The following CSMD1 variants were observed in gnomAD, a reference collection of about 807,000 sequenced individuals.
CSMD1 encodes the protein CUB and sushi domain-containing protein 1.
Under a neutral mutation model 417.5 loss-of-function variants are expected in CSMD1, and 213 were observed. That is an observed-to-expected ratio of 0.51 (90% CI 0.46 to 0.57). CSMD1 has a LOEUF of 0.57. Ranked by LOEUF, CSMD1 falls within the 20% of genes least tolerant of loss-of-function variation. The probability of loss-of-function intolerance (pLI) is 0.00; values close to 1 mark genes in which losing one functional copy is unlikely to be tolerated. For synonymous variants in CSMD1, 2,862 were observed against 1,736.8 expected (o/e 1.65, Z -16.11); for missense variants, 6,923 against 4,529.7 (o/e 1.53, Z -15.17).
intron 3 of CSMD1, among the ~76,000 whole-genome samples, chr8:4,368,932 A>G (rs757992304): frequency 6.6e-6 from 1 of 151,946 alleles, no homozygotes; most frequent in African/African-American, 2.4e-5. Flanking sequence ...TCTTATATGG[A>G]TTTTAGCAGT....
intron 4 of CSMD1, among the ~76,000 whole-genome samples, chr8:4,025,906 A>G (rs1245246010): frequency 1.3e-5 from 2 of 151,982 alleles, no homozygotes; most frequent in East Asian, 1.9e-4. Flanking sequence ...TTTAGGTGTC[A>G]TTATTCAGGG....
intron 2 of CSMD1, among the ~76,000 whole-genome samples, chr8:4,538,281 C>T (rs1186136641): frequency 6.6e-6 from 1 of 150,596 alleles, no homozygotes; most frequent in Non-Finnish European, 1.5e-5. Flanking sequence ...ATTTTGTTAT[C>T]CTACCACTAC....
intron 23 of CSMD1, among the ~76,000 whole-genome samples, chr8:3,333,558 A>C (rs2117554805): frequency 6.6e-6 from 1 of 152,356 alleles, no homozygotes; most frequent in Admixed American, 6.5e-5. Flanking sequence ...CTACACAGAT[A>C]CTGCAATGCC....
At chr8:3,599,784 C>A (rs965733320) in intron 8 of CSMD1, among the ~76,000 whole-genome samples, 2 of 152,196 alleles carry the variant, frequency 1.3e-5, no homozygotes, top group African/African-American at 4.8e-5. Flanking sequence ...TTGGCATGGG[C>A]AACTCCCACT....
rs116584563 is a variant in CSMD1, at chr8:4,785,974, C to T, written c.86-148416G>A. ...TTTCAACAATTATAGGAAAGACATCCTGCATGGTAGCCAGGTTAGTGCAGC... is the reference window on the plus strand; with the variant it reads ...TTTCAACAATTATAGGAAAGACATCTTGCATGGTAGCCAGGTTAGTGCAGC... On this transcript the variant is annotated intron_variant, in intron 1 of 69. Transcript: ENST00000635120. Among the ~76,000 whole-genome samples the T allele has an allele frequency of 3.3e-3, 505 of 152,288 alleles. 1 individual carries two copies. The highest frequency in any genetic ancestry group is 0.012 in the African/African-American group (487 of 41,550).
intron 1 of CSMD1, among the ~76,000 whole-genome samples, chr8:4,747,369 G>T (rs1335309974): frequency 2.0e-5 from 3 of 152,116 alleles, no homozygotes; most frequent in African/African-American, 7.2e-5. Context: ...CTAGGATACG[G>T]TTTTCATGGC....
intron 59 of CSMD1, among the ~76,000 whole-genome samples, chr8:2,963,790 TG>T (rs1053983044): frequency 1.3e-5 from 2 of 152,224 alleles, no homozygotes; most frequent in African/African-American, 4.8e-5. Context: ...AGAATTTTTC[TG>T]GCCATCTGTA....
intron 5 of CSMD1, among the ~76,000 whole-genome samples, chr8:3,920,758 G>C (rs963154540): frequency 8.6e-6 from 1 of 115,816 alleles, no homozygotes; most frequent in Non-Finnish European, 1.9e-5. Context: ...TATTTTGTTA[G>C]TGGGGTATAT....
intron 1 of CSMD1, among the ~76,000 whole-genome samples, chr8:4,975,178 G>A (rs960847360): frequency 2.0e-5 from 3 of 152,110 alleles, no homozygotes; most frequent in African/African-American, 7.2e-5. Flanking sequence ...AGGTCCTACT[G>A]TTTTTAATTC....
chr8:3,816,285 T>C (rs1413185402), intron 5 of CSMD1, among the ~76,000 whole-genome samples: 2 of 152,204 alleles, frequency 1.3e-5, no homozygotes, highest in East Asian at 1.9e-4. Flanking sequence ...TAGCCAGTTG[T>C]TCCTCATTCT....
chr8:4,912,240 C>T (rs1298835871), intron 1 of CSMD1, among the ~76,000 whole-genome samples: 2 of 151,834 alleles, frequency 1.3e-5, no homozygotes, highest in Non-Finnish European at 2.9e-5. Context: ...CCAGAGCTAC[C>T]ACTGAAATTA....
intron 5 of CSMD1, among the ~76,000 whole-genome samples, chr8:3,780,119 G>C (rs143002313): frequency 6.6e-6 from 1 of 152,118 alleles, no homozygotes; most frequent in Non-Finnish European, 1.5e-5. Context: ...GAAGGCTTGC[G>C]CTGATATAAA....
At chr8:3,151,691 C>T (rs1319533352) in intron 39 of CSMD1, among the ~76,000 whole-genome samples, 178 bp from the exon 40 acceptor site, 3 of 152,204 alleles carry the variant, frequency 2.0e-5, no homozygotes, top group Non-Finnish European at 4.4e-5. Flanking sequence ...CTGTGCTCTC[C>T]CTCTTGACAG....
In CSMD1 at chr8:3,323,736, A is replaced by AG. The variant is rs151254316; in HGVS notation, c.3632-15234dup. ...CCACATCCAACCCCAGAGACCCAGG[A>AG]GGGAATTTCCTTCACCCCACCTTTC... On this transcript the variant is annotated intron_variant, in intron 23 of 69. Transcript: ENST00000635120. Among the ~76,000 whole-genome samples the AG allele has an allele frequency of 1.0e-3, 155 of 149,438 alleles. 2 individuals carry two copies. Among genetic ancestry groups the AG allele is most frequent in the East Asian group, 5.7e-3 (28 of 4,870 alleles).
rs1563079716 is a variant in CSMD1, at chr8:3,481,799, T to C, written c.1448+11824A>G. 2.0e-5 allele frequency among the ~76,000 whole-genome samples: 3 copies of C among 152,024 alleles called. No individual in the cohort carries two copies. The South Asian group carries it at 6.2e-4, about 32-fold the overall frequency. On this transcript the variant is annotated intron_variant, in intron 11 of 69. Transcript: ENST00000635120. ...TAAGCTGGAAGAAGAAAGGGATGAATTCTTCCCCAGGGCCTTTGGAGTGAT... is the reference window on the plus strand; with the variant it reads ...TAAGCTGGAAGAAGAAAGGGATGAACTCTTCCCCAGGGCCTTTGGAGTGAT...
chr8:4,195,745 C>G (rs1799299102), intron 3 of CSMD1, among the ~76,000 whole-genome samples: 1 of 152,146 alleles, frequency 6.6e-6, no homozygotes, highest in Non-Finnish European at 1.5e-5. Context: ...TCGGGGCTCT[C>G]CGTGCTCATG....
At chr8:3,251,947 G>C (rs185755682) in intron 26 of CSMD1, among the ~76,000 whole-genome samples, 48 of 152,272 alleles carry the variant, frequency 3.2e-4, no homozygotes, top group Non-Finnish European at 6.5e-4. Context: ...TTGCTTATCA[G>C]CTTAAGGATA....
intron 12 of CSMD1, among the ~76,000 whole-genome samples, chr8:3,444,892 T>A (rs1563396537): frequency 6.6e-6 from 1 of 152,094 alleles, no homozygotes; most frequent in Non-Finnish European, 1.5e-5. Context: ...ATTTAGTCAA[T>A]AAACACAGCT....
At chr8:4,829,244 C>A (rs1036157332) in intron 1 of CSMD1, among the ~76,000 whole-genome samples, 3 of 152,034 alleles carry the variant, frequency 2.0e-5, no homozygotes, top group Non-Finnish European at 2.9e-5. Flanking sequence ...AAACATTAAC[C>A]ATTTTAATAT....
Sources: allele counts gnomAD v4.1 joint callset (sites outside exome capture counted in the v4.1 genomes callset), GRCh38; gene constraint gnomAD v4.1.1; transcripts MANE v1.5; gene names NCBI Gene and HGNC (gene_info 2026-07-23, HGNC 2026-07-21).